The following MTUS1 variants were observed in gnomAD, a reference collection of about 807,000 sequenced individuals.
MTUS1 encodes the protein microtubule associated scaffold protein 1.
In MTUS1, 109 loss-of-function variants were observed where a neutral mutation model predicts 120.8. The observed-to-expected ratio is 0.90, with a 90% CI of 0.77 to 1.06. The LOEUF is 1.06. Among genes scored for constraint, MTUS1 ranks in the 50% least tolerant of loss-of-function variants. MTUS1 has a pLI of 0.00. For missense variants in MTUS1, 2,210 were observed against 1,486.3 expected, an observed-to-expected ratio of 1.49 and a Z score of -8.01; for synonymous variants, 737 against 550.5, an observed-to-expected ratio of 1.34 and a Z score of -4.74.
chr8:17,688,776 C>G (rs1227385012), intron 6 of MTUS1, among the ~76,000 whole-genome samples: 1 of 152,122 alleles, frequency 6.6e-6, no homozygotes, highest in Non-Finnish European at 1.5e-5. Flanking sequence ...GCTGTTTACT[C>G]TAAAAGAGTT....
intron 1 of MTUS1, among the ~76,000 whole-genome samples, chr8:17,778,087 G>T (rs181646016): frequency 6.6e-6 from 1 of 152,128 alleles, no homozygotes; most frequent in Admixed American, 6.6e-5. Flanking sequence ...ATTAAACTAG[G>T]AAGAAAAATC....
chr8:17,785,279 G>A (rs573248504), intron 1 of MTUS1, among the ~76,000 whole-genome samples: 15 of 152,296 alleles, frequency 9.8e-5, no homozygotes, highest in Non-Finnish European at 1.9e-4. Flanking sequence ...AGGTAGAAGC[G>A]ACTGGAGGCT....
At chr8:17,662,060 G>A (rs920583681) in intron 8 of MTUS1, among the ~76,000 whole-genome samples, 6 of 152,080 alleles carry the variant, frequency 3.9e-5, no homozygotes, top group Admixed American at 1.3e-4. Flanking sequence ...TGTGTGTGGC[G>A]GTGGGGGGCG....
intron 4 of MTUS1, among the ~76,000 whole-genome samples, chr8:17,718,249 C>G (rs1822708262): frequency 6.6e-6 from 1 of 152,166 alleles, no homozygotes; most frequent in African/African-American, 2.4e-5. Flanking sequence ...TATCCTGATG[C>G]TATCTAAATT....
intron 1 of MTUS1, among the ~76,000 whole-genome samples, chr8:17,787,944 A>AC: frequency 6.6e-6 from 1 of 152,102 alleles, no homozygotes; most frequent in Admixed American, 6.6e-5. Context: ...ACATGGTGAA[A>AC]CCCCACCTGC....
chr8:17,722,594 C>G, intron 4 of MTUS1: 3 of 984,954 alleles, frequency 3.0e-6, no homozygotes, highest in Non-Finnish European at 3.6e-6. Context: ...GCTACTGCTG[C>G]TAGGTGACCC....
In MTUS1 at chr8:17,755,488, G is replaced by A. The variant is rs1563333910; in HGVS notation, c.320C>T (p.Ala107Val). The A allele has an allele frequency of 6.2e-7, 1 of 1,614,122 alleles. No homozygotes were observed. Among genetic ancestry groups the A allele is most frequent in the Non-Finnish European group, 8.5e-7 (1 of 1,179,956 alleles). ...MHKDSICQCP[A>V]LVGTEKPKYL... ...TTTGGGCTTCTCAGTACCTACAAGT[G>A]CAGGACACTGACAAATAGAATCTTT... The change falls in exon 2 of 15, where the codon GCA (alanine) becomes GTA (valine). Residue 107 changes from alanine to valine, a missense_variant. Transcript: ENST00000693296.
At chr8:17,687,281 G>A (rs1305928923) in intron 6 of MTUS1, among the ~76,000 whole-genome samples, 1 of 152,070 alleles carries the variant, frequency 6.6e-6, no homozygotes, top group African/African-American at 2.4e-5. Flanking sequence ...CGATGACCCA[G>A]TTTCCACATG....
intron 2 of MTUS1, among the ~76,000 whole-genome samples, chr8:17,752,665 G>C (rs2048290228): frequency 6.6e-6 from 1 of 152,152 alleles, no homozygotes; most frequent in Non-Finnish European, 1.5e-5. Context: ...ACACACCTAA[G>C]TCAGCCCTTC....
intron 8 of MTUS1, among the ~76,000 whole-genome samples, chr8:17,673,777 T>A (rs1812504997): frequency 6.6e-6 from 1 of 152,116 alleles, no homozygotes; most frequent in Non-Finnish European, 1.5e-5. Context: ...TGACCCCACG[T>A]TCACTGCCGT....
At chr8:17,743,873 C>T in intron 2 of MTUS1, 74 bp from the exon 3 acceptor site, 5 of 1,314,100 alleles carry the variant, frequency 3.8e-6, no homozygotes, top group African/African-American at 1.5e-5. Flanking sequence ...ATGGGCCCCT[C>T]CTCTAGGCCA....
intron 3 of MTUS1, among the ~76,000 whole-genome samples, chr8:17,731,023 A>G (rs2046539244): frequency 6.6e-6 from 1 of 152,196 alleles, no homozygotes; most frequent in Middle Eastern, 3.2e-3. Flanking sequence ...AACTTGTGCA[A>G]CTAGTTGGAG....
At chr8:17,737,432 A>T (rs2047012211) in intron 3 of MTUS1, among the ~76,000 whole-genome samples, 1 of 152,262 alleles carries the variant, frequency 6.6e-6, no homozygotes, top group Admixed American at 6.5e-5. Flanking sequence ...CACTTTAAGG[A>T]AACTAATTTA....
At chr8:17,662,582 C>T (rs2130433090) in intron 8 of MTUS1, among the ~76,000 whole-genome samples, 1 of 152,066 alleles carries the variant, frequency 6.6e-6, no homozygotes, top group East Asian at 1.9e-4. Context: ...TCTCGAACTT[C>T]TGGCCTCATG....
At chr8:17,790,405 C>T (rs2134310) in intron 1 of MTUS1, among the ~76,000 whole-genome samples, 1 of 151,474 alleles carries the variant, frequency 6.6e-6, no homozygotes, top group Non-Finnish European at 1.5e-5. Context: ...GCATATAAGA[C>T]CACAGACTGC....
chr8:17,772,543 A>T (rs1324855210), intron 1 of MTUS1, among the ~76,000 whole-genome samples: 1 of 152,190 alleles, frequency 6.6e-6, no homozygotes, highest in Non-Finnish European at 1.5e-5. Flanking sequence ...CATACCAAGG[A>T]AGCACTTATG....
intron 1 of MTUS1, among the ~76,000 whole-genome samples, chr8:17,773,380 G>A (rs1337376692): frequency 1.3e-5 from 2 of 152,128 alleles, no homozygotes; most frequent in East Asian, 1.9e-4. Context: ...AAGCCAAAAA[G>A]CCCAGTGTCT....
chr8:17,706,904 G>A (rs919672962), intron 6 of MTUS1, among the ~76,000 whole-genome samples: 53 of 152,126 alleles, frequency 3.5e-4, no homozygotes, highest in African/African-American at 1.3e-3. Context: ...AAAAGCTGAA[G>A]GGTGATTTCT....
At chr8:17,660,176 C>T (rs1809367788) in intron 8 of MTUS1, among the ~76,000 whole-genome samples, 2 of 152,046 alleles carry the variant, frequency 1.3e-5, no homozygotes, top group African/African-American at 2.4e-5. Context: ...AGTTCGAGAC[C>T]AGCCTGGCCA....
Sources: allele counts gnomAD v4.1 joint callset (sites outside exome capture counted in the v4.1 genomes callset), GRCh38; gene constraint gnomAD v4.1.1; transcripts MANE v1.5; gene names NCBI Gene and HGNC (gene_info 2026-07-23, HGNC 2026-07-21).